Variants in KYNU observed in about 807,000 individuals in gnomAD.
The protein encoded by KYNU is kynureninase.
KYNU carries 54 observed loss-of-function variants against 59.2 expected under a neutral mutation model. The ratio of observed to expected loss-of-function variants is 0.91; its 90% confidence interval spans 0.73 to 1.14. The LOEUF is 1.14. Ranked by LOEUF, KYNU falls within the 50% of genes most tolerant of loss-of-function variation. KYNU has a pLI of 0.00. For missense variants in KYNU, 567 were observed against 554.4 expected, an observed-to-expected ratio of 1.02 and a Z score of -0.23; for synonymous variants, 177 against 192.0, an observed-to-expected ratio of 0.92 and a Z score of 0.65.
intron 10 of KYNU, among the ~76,000 whole-genome samples, chr2:142,991,299 G>T (rs1685391379): frequency 6.6e-6 from 1 of 151,832 alleles, no homozygotes; most frequent in Admixed American, 6.6e-5. Context: ...TACTTATCAA[G>T]TCCCTATCTA....
intron 4 of KYNU, among the ~76,000 whole-genome samples, chr2:142,940,155 G>T (rs1418000149): frequency 6.6e-6 from 1 of 152,172 alleles, no homozygotes; most frequent in Non-Finnish European, 1.5e-5. Context: ...TTTGTTAGAA[G>T]CCAATTCTAA....
intron 3 of KYNU, among the ~76,000 whole-genome samples, chr2:142,926,114 A>G (rs375953567): frequency 6.6e-6 from 1 of 152,042 alleles, no homozygotes. Flanking sequence ...GGAACATCAC[A>G]CACTGGGGCC....
At chr2:142,889,637 C>T (rs1008074616) in intron 2 of KYNU, among the ~76,000 whole-genome samples, 3 of 152,148 alleles carry the variant, frequency 2.0e-5, no homozygotes, top group African/African-American at 7.2e-5. Flanking sequence ...TGACCCCCAA[C>T]GGTGTTGAAA....
intron 11 of KYNU, among the ~76,000 whole-genome samples, chr2:143,032,149 G>T (rs1164097640): frequency 6.6e-6 from 1 of 152,026 alleles, no homozygotes; most frequent in Non-Finnish European, 1.5e-5. Flanking sequence ...GTGGTGACAG[G>T]CACCCGTAGT....
intron 3 of KYNU, among the ~76,000 whole-genome samples, chr2:142,922,035 A>T (rs78737734): frequency 0.01 from 1,545 of 152,114 alleles, 22 homozygotes; most frequent in African/African-American, 0.036. Context: ...GCCTCCCTCT[A>T]TGCCACTTCT....
At chr2:142,994,952 TG>T (rs1202518469) in intron 10 of KYNU, among the ~76,000 whole-genome samples, 2 of 152,094 alleles carry the variant, frequency 1.3e-5, no homozygotes, top group Non-Finnish European at 2.9e-5. Context: ...AATATATCCA[TG>T]AAAACTAGCT....
At chr2:142,958,923 G>A (rs566646877) in intron 7 of KYNU, among the ~76,000 whole-genome samples, 5 of 152,088 alleles carry the variant, frequency 3.3e-5, no homozygotes, top group African/African-American at 1.2e-4. Context: ...AGAATAAAGA[G>A]TTTTGGATTG....
chr2:142,907,870 C>G (rs1682353271), intron 2 of KYNU, among the ~76,000 whole-genome samples: 1 of 152,142 alleles, frequency 6.6e-6, no homozygotes, highest in Admixed American at 6.5e-5. Context: ...TCTTAGTCAA[C>G]CTAGGAAATC....
intron 1 of KYNU, among the ~76,000 whole-genome samples, chr2:142,880,936 A>G (rs1206257466): frequency 1.3e-5 from 2 of 152,222 alleles, no homozygotes; most frequent in Non-Finnish European, 2.9e-5. Flanking sequence ...CATATGTCCA[A>G]ATAAATATAG....
chr2:142,937,762 C>T (rs894847243), intron 4 of KYNU, among the ~76,000 whole-genome samples: 9 of 152,166 alleles, frequency 5.9e-5, no homozygotes, highest in African/African-American at 2.2e-4. Context: ...TGGTGATTAG[C>T]ACAAGAGTAG....
At chr2:142,935,314 C>A (rs1558930494) in intron 4 of KYNU, among the ~76,000 whole-genome samples, 1 of 152,188 alleles carries the variant, frequency 6.6e-6, no homozygotes, top group African/African-American at 2.4e-5. Context: ...TAGTTTACTA[C>A]TCTATGGGCA....
At chr2:142,907,013 C>T (rs6709193) in intron 2 of KYNU, among the ~76,000 whole-genome samples, 85,076 of 152,004 alleles carry the variant, frequency 0.56, 24,847 homozygotes, top group African/African-American at 0.71. Context: ...TTTAACCAGC[C>T]GACAGGTGCC....
intron 4 of KYNU, among the ~76,000 whole-genome samples, chr2:142,927,954 AAATAT>A (rs1182148805): frequency 3.3e-5 from 5 of 152,190 alleles, no homozygotes; most frequent in Non-Finnish European, 7.4e-5. Flanking sequence ...TATAAAAATA[AAATAT>A]ATGTTATTTT....
At chr2:143,035,456 A>T (rs2104920722) in intron 12 of KYNU, among the ~76,000 whole-genome samples, 1 of 152,382 alleles carries the variant, frequency 6.6e-6, no homozygotes, top group East Asian at 1.9e-4. Context: ...AAATTTTTGA[A>T]TTACAAACTA....
rs1573926805 is a variant in KYNU, at chr2:143,043,419, A to G, written c.*1247A>G. ...ATACATAGTCAACAAAAAGAGTGACATAATTATTGCCTCCAATTAAACAAG... is the reference window on the plus strand; with the variant it reads ...ATACATAGTCAACAAAAAGAGTGACGTAATTATTGCCTCCAATTAAACAAG... On this transcript the variant is annotated 3_prime_UTR_variant, in exon 14 of 14. Transcript: ENST00000264170. 6.6e-6 allele frequency: 1 copy of G among 152,052 alleles called. No individual in the cohort carries two copies. The highest frequency in any genetic ancestry group is 1.5e-5 in the Non-Finnish European group (1 of 67,982). 9.4% of individuals were successfully genotyped at this position (152,052 alleles called of 1,614,324 possible).
chr2:142,962,464 G>A (rs1684384938), intron 8 of KYNU, among the ~76,000 whole-genome samples: 1 of 152,170 alleles, frequency 6.6e-6, no homozygotes. Flanking sequence ...CAATTAATAT[G>A]ATATTATAAA....
chr2:142,934,186 T>C (rs1683313536), intron 4 of KYNU, among the ~76,000 whole-genome samples: 2 of 152,156 alleles, frequency 1.3e-5, no homozygotes, highest in East Asian at 1.9e-4. Context: ...TTTAGGCCTA[T>C]GCGAGTTGCT....
intron 9 of KYNU, 43 bp from the exon 10 acceptor site, chr2:142,985,905 A>G (rs534017896): frequency 7.6e-7 from 1 of 1,318,700 alleles, no homozygotes; most frequent in South Asian, 1.2e-5. Context: ...GTTTTGTCAT[A>G]TATTTAAGTA....
rs191388320 is a variant in KYNU, at chr2:142,891,013, A to G, written c.169+5477A>G. On this transcript the variant is annotated intron_variant, in intron 2 of 13. Coordinates refer to ENST00000264170, the MANE Select transcript of KYNU (RefSeq NM_003937.3). ...TAAGGATATAAACTCCTTCTCTCAT[A>G]TATCTTAGGAATTTTAAGTGAAAAT... 2.6e-3 allele frequency among the ~76,000 whole-genome samples: 394 copies of G among 152,222 alleles called. 1 individual carries two copies. Among genetic ancestry groups the G allele is most frequent in the Non-Finnish European group, 4.6e-3 (314 of 67,998 alleles).
Sources: allele counts gnomAD v4.1 joint callset (sites outside exome capture counted in the v4.1 genomes callset), GRCh38; gene constraint gnomAD v4.1.1; transcripts MANE v1.5; gene names NCBI Gene and HGNC (gene_info 2026-07-23, HGNC 2026-07-21).